Variants in PECAM1 observed in about 807,000 individuals in gnomAD.
The protein encoded by PECAM1 is platelet endothelial cell adhesion molecule.
PECAM1 carries 8 observed loss-of-function variants against 13.8 expected under a neutral mutation model. The ratio of observed to expected loss-of-function variants is 0.58; its 90% confidence interval spans 0.34 to 1.05. The LOEUF (loss-of-function observed/expected upper bound fraction) is 1.05. PECAM1 is among the 50% of genes least tolerant of loss of function. PECAM1 has a pLI of 0.03. For missense variants in PECAM1, 304 were observed against 141.2 expected, an observed-to-expected ratio of 2.15 and a Z score of -5.84; for synonymous variants, 136 against 52.6, an observed-to-expected ratio of 2.58 and a Z score of -6.86.
intron 13 of PECAM1, among the ~76,000 whole-genome samples, chr17:64,345,892 C>T (rs1323453068): frequency 6.6e-6 from 1 of 151,720 alleles, no homozygotes. Context: ...CACAGCCCAG[C>T]GGCTCTACGG....
At chr17:64,345,995 C>T (rs2035557332) in intron 13 of PECAM1, among the ~76,000 whole-genome samples, 1 of 152,208 alleles carries the variant, frequency 6.6e-6, no homozygotes, top group South Asian at 2.1e-4. Flanking sequence ...AGACTCCTCC[C>T]AGATCATGGA....
chr17:64,339,774 C>T (rs949124152), intron 14 of PECAM1, among the ~76,000 whole-genome samples: 1 of 152,102 alleles, frequency 6.6e-6, no homozygotes, highest in African/African-American at 2.4e-5. Context: ...TGTAGATATA[C>T]CAACTTTTAA....
At chr17:64,334,814 C>G (rs2035229650) in intron 14 of PECAM1, among the ~76,000 whole-genome samples, 3 of 152,086 alleles carry the variant, frequency 2.0e-5, no homozygotes, top group African/African-American at 7.2e-5. Context: ...GCCCTGGGCC[C>G]CCTGTTTTAT....
chr17:64,325,039 G>A (rs1265939282), intron 15 of PECAM1, among the ~76,000 whole-genome samples: 1 of 152,218 alleles, frequency 6.6e-6, no homozygotes, highest in African/African-American at 2.4e-5. Flanking sequence ...CAATGTGAAC[G>A]GACCTAATGC....
At chr17:64,357,362 T>G (rs1187498167) in intron 7 of PECAM1, among the ~76,000 whole-genome samples, 3 of 135,710 alleles carry the variant, frequency 2.2e-5, no homozygotes, top group African/African-American at 7.4e-5. Flanking sequence ...CCTTTTCACC[T>G]GGGCATTTCC....
chr17:64,351,047 T>C (rs2035711123), intron 11 of PECAM1, among the ~76,000 whole-genome samples: 3 of 152,090 alleles, frequency 2.0e-5, no homozygotes, highest in South Asian at 2.1e-4. Context: ...CAGCTAATTT[T>C]TTGTATTTTT....
At chr17:64,373,009 G>C (rs894164645) in intron 4 of PECAM1, among the ~76,000 whole-genome samples, 20 of 151,524 alleles carry the variant, frequency 1.3e-4, no homozygotes, top group African/African-American at 4.6e-4. Flanking sequence ...CTACTCGGGA[G>C]GCTGAGGCAG....
At chr17:64,372,766 G>T (rs1471941579) in intron 4 of PECAM1, among the ~76,000 whole-genome samples, 3 of 151,642 alleles carry the variant, frequency 2.0e-5, no homozygotes, top group African/African-American at 7.3e-5. Flanking sequence ...GCCTCCCAAA[G>T]TGCTGGGATT....
At chr17:64,379,974 A>G (rs1451456469) in intron 2 of PECAM1, among the ~76,000 whole-genome samples, 7 of 151,438 alleles carry the variant, frequency 4.6e-5, no homozygotes, top group African/African-American at 1.7e-4. Flanking sequence ...GAAGTGAGCC[A>G]TGATCATGCC....
chr17:64,387,692 A>C (rs992953820), intron 2 of PECAM1, among the ~76,000 whole-genome samples: 24 of 152,112 alleles, frequency 1.6e-4, no homozygotes, highest in Non-Finnish European at 2.8e-4. Flanking sequence ...AGAGGCTGAT[A>C]AGCCTGCAGC....
intron 15 of PECAM1, among the ~76,000 whole-genome samples, chr17:64,328,253 G>A (rs958916751): frequency 4.2e-5 from 6 of 143,488 alleles, no homozygotes; most frequent in Non-Finnish European, 8.0e-5. Flanking sequence ...CATGTTTATC[G>A]CTTCAGGAGA....
chr17:64,382,619 A>G (rs1354584768), intron 2 of PECAM1, among the ~76,000 whole-genome samples: 1 of 152,118 alleles, frequency 6.6e-6, no homozygotes, highest in East Asian at 1.9e-4. Context: ...GCCTCAAGCA[A>G]TCATCCCGCC....
chr17:64,329,014 G>A lies in PECAM1; in HGVS notation c.2187+686C>T, dbSNP rs137907553. On this transcript the variant is annotated intron_variant, in intron 15 of 15. Coordinates refer to ENST00000563924, the MANE Select transcript of PECAM1 (RefSeq NM_000442.5). Reference sequence around the variant, plus strand: ...TTAAGCCCTGACTTATCTTTCTCCCGTCACTTGTCACTGTCACACTCTTCT... The same window carrying A: ...TTAAGCCCTGACTTATCTTTCTCCCATCACTTGTCACTGTCACACTCTTCT... Among the ~76,000 whole-genome samples, 558 of 151,926 alleles carry A rather than the reference G, an allele frequency of 3.7e-3. 4 individuals are homozygous for A. The highest frequency in any genetic ancestry group is 5.2e-3 in the Non-Finnish European group (352 of 67,956).
chr17:64,380,340 A>G (rs1242600657), intron 2 of PECAM1, among the ~76,000 whole-genome samples: 1 of 110,274 alleles, frequency 9.1e-6, no homozygotes, highest in Non-Finnish European at 1.9e-5. Flanking sequence ...AAAAAATTAA[A>G]TAAGTATAAA....
At chr17:64,388,081 G>A (rs2036637455) in intron 2 of PECAM1, among the ~76,000 whole-genome samples, 1 of 152,016 alleles carries the variant, frequency 6.6e-6, no homozygotes, top group Admixed American at 6.6e-5. Flanking sequence ...TGGGAGAGTC[G>A]CTCCCTGTGC....
chr17:64,360,106 C>G, intron 7 of PECAM1, 34 bp downstream of exon 7: 1 of 475,320 alleles, frequency 2.1e-6, no homozygotes, highest in Admixed American at 3.2e-5. Context: ...TGCCCCAAGC[C>G]CACATGATTT....
intron 7 of PECAM1, among the ~76,000 whole-genome samples, 158 bp from the exon 8 acceptor site, chr17:64,356,556 C>T (rs1251234507): frequency 5.5e-5 from 6 of 108,204 alleles, no homozygotes; most frequent in South Asian, 4.4e-4. Context: ...CTTACTGCAA[C>T]GTGTGCCTCC....
At chr17:64,325,409 T>C (rs7217643) in intron 15 of PECAM1, among the ~76,000 whole-genome samples, 124,838 of 151,940 alleles carry the variant, frequency 0.82, 51,802 homozygotes, top group African/African-American at 0.95. Context: ...AAATGGTAAA[T>C]TTAATATTAT....
chr17:64,325,500 C>T (rs1598270213), intron 15 of PECAM1, among the ~76,000 whole-genome samples: 1 of 152,324 alleles, frequency 6.6e-6, no homozygotes, highest in East Asian at 1.9e-4. Context: ...CTTTGGGAGG[C>T]CAAGGTGGGT....
Sources: allele counts gnomAD v4.1 joint callset (sites outside exome capture counted in the v4.1 genomes callset), GRCh38; gene constraint gnomAD v4.1.1; transcripts MANE v1.5; gene names NCBI Gene and HGNC (gene_info 2026-07-23, HGNC 2026-07-21).